The following DLGAP4 variants were observed in gnomAD, a reference collection of about 807,000 sequenced individuals.
DLGAP4 encodes the protein DLG associated protein 4.
In DLGAP4, 18 loss-of-function variants were observed where a neutral mutation model predicts 86.9. That is an observed-to-expected ratio of 0.21 (90% CI 0.14 to 0.31). The LOEUF (loss-of-function observed/expected upper bound fraction) is 0.31. DLGAP4 is among the 10% of genes least tolerant of loss of function. DLGAP4 has a pLI of 1.00. For missense variants in DLGAP4, 1,085 were observed against 1,362.6 expected (o/e 0.80, Z 3.21); for synonymous variants, 548 against 574.3 (o/e 0.95, Z 0.65).
chr20:36,512,931 CTTTTTTTTTTTTTTTTTTT>C (rs57978491), intron 10 of DLGAP4, among the ~76,000 whole-genome samples: 17 of 23,536 alleles, frequency 7.2e-4, no homozygotes, highest in Non-Finnish European at 1.2e-3. Flanking sequence ...CTCAGAGGCC[CTTTTTTTTTTTTTTTTTTT>C]TTTTTTTTTT....
chr20:36,502,890 A>AT (rs2036204890), intron 10 of DLGAP4, among the ~76,000 whole-genome samples: 1 of 151,502 alleles, frequency 6.6e-6, no homozygotes, highest in African/African-American at 2.4e-5. Flanking sequence ...TGCCCAGCTA[A>AT]TTTTTTGTAT....
At chr20:36,312,526 G>T (rs2065062659) in intron 1 of DLGAP4, among the ~76,000 whole-genome samples, 1 of 152,082 alleles carries the variant, frequency 6.6e-6, no homozygotes, top group Non-Finnish European at 1.5e-5. Flanking sequence ...TGCATGAGGG[G>T]GTCATCTTTA....
In DLGAP4 at chr20:36,462,898, C is replaced by T. The variant is rs144291851; in HGVS notation, c.1648+15961C>T. ...ACTTTGTGATCGCTTGTGGGCAGGC[C>T]GGGCTATTTTGGAGCCGGCAGGATG... On this transcript the variant is annotated intron_variant, in intron 7 of 12. Transcript: ENST00000339266. Among the ~76,000 whole-genome samples the T allele has an allele frequency of 8.0e-5, 12 of 150,718 alleles. No individual in the cohort carries two copies. In the East Asian group the frequency reaches 2.4e-3, roughly 30 times the overall value.
At chr20:36,323,877 A>T (rs1646413923) in intron 1 of DLGAP4, among the ~76,000 whole-genome samples, 1 of 152,162 alleles carries the variant, frequency 6.6e-6, no homozygotes, top group Non-Finnish European at 1.5e-5. Flanking sequence ...CAGGAGGAGG[A>T]GCTCAGGCGG....
intron 7 of DLGAP4, among the ~76,000 whole-genome samples, chr20:36,473,827 C>T (rs1229355408): frequency 1.3e-5 from 2 of 152,120 alleles, no homozygotes; most frequent in African/African-American, 4.8e-5. Flanking sequence ...GGAGTCCAGT[C>T]CCTAAGGGCA....
At chr20:36,402,144 G>A (rs568966338) in intron 2 of DLGAP4, among the ~76,000 whole-genome samples, 1 of 152,206 alleles carries the variant, frequency 6.6e-6, no homozygotes, top group Non-Finnish European at 1.5e-5. Flanking sequence ...CCAAGTCAGC[G>A]CAGATGCAAA....
At chr20:36,358,343 G>A (rs1222562195) in intron 1 of DLGAP4, among the ~76,000 whole-genome samples, 8 of 152,226 alleles carry the variant, frequency 5.3e-5, no homozygotes, top group African/African-American at 1.4e-4. Flanking sequence ...TCACTCTTAC[G>A]CTACTCTGTT....
chr20:36,412,248 G>T (rs965739749), intron 2 of DLGAP4, among the ~76,000 whole-genome samples: 1 of 152,268 alleles, frequency 6.6e-6, no homozygotes, highest in African/African-American at 2.4e-5. Flanking sequence ...GGCGAGGCAG[G>T]TGGCCTCCAG....
At chr20:36,523,430 C>A (rs2037504000) in intron 10 of DLGAP4, among the ~76,000 whole-genome samples, 2 of 152,216 alleles carry the variant, frequency 1.3e-5, no homozygotes, top group African/African-American at 4.8e-5. Context: ...TTTAAGACTT[C>A]TACATTTATG....
intron 4 of DLGAP4, among the ~76,000 whole-genome samples, chr20:36,437,187 ACT>A (rs2033312636): frequency 1.3e-5 from 2 of 152,064 alleles, no homozygotes; most frequent in African/African-American, 4.8e-5. Context: ...TTGGCCCTGC[ACT>A]CTGATGAATT....
intron 2 of DLGAP4, among the ~76,000 whole-genome samples, chr20:36,418,477 G>C (rs2032728332): frequency 6.6e-6 from 1 of 152,180 alleles, no homozygotes; most frequent in African/African-American, 2.4e-5. Context: ...TGAGAGTCTA[G>C]AAGACTTCAG....
At chr20:36,387,246 G>C (rs2031630436) in intron 2 of DLGAP4, among the ~76,000 whole-genome samples, 2 of 152,156 alleles carry the variant, frequency 1.3e-5, no homozygotes, top group Admixed American at 1.3e-4. Context: ...ATTTTCATTA[G>C]CGTCGCCTGA....
chr20:36,500,732 G>GT lies in DLGAP4; in HGVS notation c.2512+126dup. The GT allele has an allele frequency of 1.1e-6, 1 of 913,340 alleles. No homozygotes were observed. The highest frequency in any genetic ancestry group is 1.5e-6 in the Non-Finnish European group (1 of 666,484). 56.6% of individuals were successfully genotyped at this position (913,340 alleles called of 1,614,324 possible). On this transcript the variant is annotated intron_variant, in intron 10 of 12. Transcript: ENST00000339266. The surrounding 1 kb of genome is among the most constrained non-coding windows in gnomAD (Gnocchi z 4.6). ...TCTCTTAGGTTCTCTTCTTGGGCTA[G>GT]TTTTTGAGCTCCCTTCTTACTTTCT...
At chr20:36,476,937 C>T (rs1018978781) in intron 7 of DLGAP4, among the ~76,000 whole-genome samples, 11 of 151,538 alleles carry the variant, frequency 7.3e-5, no homozygotes, top group African/African-American at 2.2e-4. Context: ...AGGTGATCCG[C>T]CTGCCTCAGC....
chr20:36,447,699 G>T (rs1041862514), intron 7 of DLGAP4, among the ~76,000 whole-genome samples: 1 of 152,062 alleles, frequency 6.6e-6, no homozygotes, highest in East Asian at 1.9e-4. Flanking sequence ...GGGATTATAG[G>T]CGTGAGCTAC....
intron 1 of DLGAP4, among the ~76,000 whole-genome samples, chr20:36,356,397 C>T (rs2030329165): frequency 1.3e-5 from 2 of 152,098 alleles, no homozygotes; most frequent in African/African-American, 2.4e-5. Context: ...CTGCAACCTC[C>T]GCCTCCTGGG....
At chr20:36,524,995 G>GATCATGA (rs1336505756) in intron 11 of DLGAP4, among the ~76,000 whole-genome samples, 1 of 151,826 alleles carries the variant, frequency 6.6e-6, no homozygotes, top group East Asian at 1.9e-4. Context: ...GAGGCAGGCA[G>GATCATGA]ATCATGAGGT....
At chr20:36,417,522 C>T (rs1457098851) in intron 2 of DLGAP4, among the ~76,000 whole-genome samples, 6 of 152,112 alleles carry the variant, frequency 3.9e-5, no homozygotes, top group African/African-American at 1.4e-4. Flanking sequence ...ACTAGGACTA[C>T]AGGTGTACAC....
At chr20:36,412,510 C>G (rs1380192863) in intron 2 of DLGAP4, among the ~76,000 whole-genome samples, 1 of 152,202 alleles carries the variant, frequency 6.6e-6, no homozygotes, top group African/African-American at 2.4e-5. Flanking sequence ...GCTCTGGAGC[C>G]AAATTGCCTG....
Sources: allele counts gnomAD v4.1 joint callset (sites outside exome capture counted in the v4.1 genomes callset), GRCh38; gene constraint gnomAD v4.1.1; non-coding constraint Gnocchi (gnomAD v3.1); transcripts MANE v1.5; gene names NCBI Gene and HGNC (gene_info 2026-07-23, HGNC 2026-07-21).